CHIT1: variants seen among roughly 807,000 people sequenced by gnomAD.
CHIT1 encodes the protein chitotriosidase-1.
In CHIT1, 47 loss-of-function variants were observed where a neutral mutation model predicts 52.0. The ratio of observed to expected loss-of-function variants is 0.90; its 90% CI spans 0.71 to 1.15. The LOEUF (loss-of-function observed/expected upper bound fraction) is 1.15, where lower values mean the gene tolerates loss of function less well. Among genes scored for constraint, CHIT1 ranks in the 50% most tolerant of loss-of-function variants. CHIT1 has a pLI of 0.00. For missense variants in CHIT1, 569 were observed against 583.0 expected, an observed-to-expected ratio of 0.98 and a Z score of 0.25; for synonymous variants, 242 against 228.2, an observed-to-expected ratio of 1.06 and a Z score of -0.54.
intron 8 of CHIT1, 141 bp downstream of exon 8, chr1:203,219,523 G>A: frequency 1.8e-6 from 2 of 1,096,006 alleles, no homozygotes; most frequent in East Asian, 2.4e-5. Context: ...ATTCAAGATG[G>A]CATGGATGAG....
Position 203,229,670 on chromosome 1 carries a change from A to C in CHIT1, c.-34T>G. 1 of 1,613,458 alleles carries C rather than the reference A, an allele frequency of 6.2e-7. No individual in the cohort carries two copies. Among genetic ancestry groups the C allele is most frequent in the Admixed American group, 1.7e-5 (1 of 59,966 alleles). ...TCAGCGGCAGGCTGCAGCCCATACA[A>C]ACCAGCTTTCCAGGTCCTGCTCTGC... On this transcript the variant is annotated 5_prime_UTR_variant, in exon 1 of 11. Transcript: ENST00000367229.
intron 2 of CHIT1, among the ~76,000 whole-genome samples, chr1:203,226,347 G>A (rs1488196918): frequency 6.6e-6 from 1 of 152,196 alleles, no homozygotes; most frequent in Admixed American, 6.5e-5. Flanking sequence ...CTGACAGAAG[G>A]TAGCCCCAGG....
intron 7 of CHIT1, among the ~76,000 whole-genome samples, chr1:203,221,318 T>G (rs902603272): frequency 2.6e-5 from 4 of 152,160 alleles, no homozygotes; most frequent in African/African-American, 7.2e-5. Context: ...TCTCTATATT[T>G]TAAGATATAT....
At position 203,229,613 on chromosome 1, in the gene CHIT1, T is replaced by C. The variant is rs1258019179; in HGVS notation, c.24A>G (p.Ala8=). ...CCAGCCCACTATCCGACGGCTCACCTGCCCAGGCCACAGACCGCACCATGA... is the reference window on the plus strand; with the variant it reads ...CCAGCCCACTATCCGACGGCTCACCCGCCCAGGCCACAGACCGCACCATGA... MVRSVAW[A]GFMVLLMIPW... The change falls in exon 1 of 11, where the codon GCA becomes GCG. Residue 8 remains alanine (A), a splice_region_variant and synonymous_variant. Transcript: ENST00000367229. The C allele has an allele frequency of 1.2e-6, 2 of 1,613,994 alleles. No homozygotes were observed. The highest frequency in any genetic ancestry group is 2.2e-5 in the East Asian group (1 of 44,862).
At chr1:203,228,084 T>G (rs984696153) in intron 2 of CHIT1, among the ~76,000 whole-genome samples, 2 of 152,140 alleles carry the variant, frequency 1.3e-5, no homozygotes, top group Non-Finnish European at 2.9e-5. Context: ...CAGAAGCAAG[T>G]GTGTTGTCCT....
At position 203,219,759 on chromosome 1, in the gene CHIT1, C is replaced by T; in HGVS notation, c.820G>A (p.Ala274Thr). 3 of 1,613,828 alleles carry T rather than the reference C, an allele frequency of 1.9e-6. No homozygotes were observed. Among genetic ancestry groups the T allele is most frequent in the South Asian group, 1.1e-5 (1 of 91,064 alleles). The stretch of plus-strand genomic sequence containing the variant: ...CCCACTCTGGTGTCTGATGAGGAGG[C>T]CAGTGTGAAGGAGCGTCCGTAGGTA... ...MPTYGRSFTL[A>T]SSSDTRVGAP... Residue 274 changes from alanine (A) to threonine (T), a missense_variant, in exon 8 of 11, where the codon GCC (alanine) becomes ACC (threonine). Coordinates refer to ENST00000367229, the MANE Select transcript of CHIT1 (RefSeq NM_003465.3).
At chr1:203,221,735 G>C (rs961877373) in intron 7 of CHIT1, among the ~76,000 whole-genome samples, 1 of 152,210 alleles carries the variant, frequency 6.6e-6, no homozygotes, top group Non-Finnish European at 1.5e-5. Context: ...CCCTTTGCAG[G>C]TGCTGGGAGT....
intron 9 of CHIT1, 53 bp downstream of exon 9, chr1:203,219,163 T>G (rs1301346936): frequency 1.1e-5 from 10 of 914,400 alleles, no homozygotes; most frequent in Non-Finnish European, 1.9e-5. Context: ...TCCATGTCAT[T>G]GACAGGACTT....
intron 2 of CHIT1, among the ~76,000 whole-genome samples, 178 bp downstream of exon 2, chr1:203,228,355 G>T (rs1215037637): frequency 6.6e-6 from 1 of 152,224 alleles, no homozygotes; most frequent in African/African-American, 2.4e-5. Flanking sequence ...GGATAAGGAG[G>T]CAAGAGCCTT....
intron 1 of CHIT1, 106 bp downstream of exon 1, chr1:203,229,505 TC>T (rs1483385841): frequency 9.1e-6 from 12 of 1,319,070 alleles, no homozygotes; most frequent in Non-Finnish European, 1.3e-5. Flanking sequence ...TCTGAAGTTC[TC>T]CTGAGTCCTC....
intron 6 of CHIT1, 131 bp from the exon 7 acceptor site, chr1:203,222,456 T>C (rs2102237060): frequency 7.3e-7 from 1 of 1,364,100 alleles, no homozygotes; most frequent in African/African-American, 1.4e-5. Flanking sequence ...GGTGGCAGGC[T>C]CACCTGGCTC....
At position 203,223,125 on chromosome 1, in the gene CHIT1, T is replaced by C; in HGVS notation, c.605+10A>G. On this transcript the variant is annotated intron_variant, in intron 6 of 10. Coordinates refer to ENST00000367229, the MANE Select transcript of CHIT1 (RefSeq NM_003465.3). ...AGAGCACAGCTCCAAGCCATCTGCCTGAGACTCACTGGGCGATTTTGTCCA... is the reference window on the plus strand; with the variant it reads ...AGAGCACAGCTCCAAGCCATCTGCCCGAGACTCACTGGGCGATTTTGTCCA... The C allele has an allele frequency of 6.2e-7, 1 of 1,614,018 alleles. No individual in the cohort carries two copies. Among genetic ancestry groups the C allele is most frequent in the Middle Eastern group, 1.6e-4 (1 of 6,062 alleles).
intron 4 of CHIT1, 103 bp from the exon 5 acceptor site, chr1:203,223,763 G>T: frequency 8.1e-7 from 1 of 1,230,114 alleles, no homozygotes; most frequent in Non-Finnish European, 1.2e-6. Flanking sequence ...GCGTCTCTGT[G>T]TCTGGGCTAG....
At position 203,219,840 on chromosome 1, in the gene CHIT1, C is replaced by T. The variant is rs1656669997; in HGVS notation, c.739G>A (p.Val247Met). 1.9e-6 allele frequency: 3 copies of T among 1,612,112 alleles called. No individual in the cohort carries two copies. Among genetic ancestry groups the T allele is most frequent in the South Asian group, 1.1e-5 (1 of 90,996 alleles). ...AAASLNVDAAVQQWLQKGTPA... is the reference protein window; with the variant it reads ...AAASLNVDAAMQQWLQKGTPA... ...GTCCCCTTCTGCAGCCACTGTTGCA[C>T]AGCAGCATCCTGGTGGAAGAGGGCA... The change falls in exon 8 of 11, where the codon GTG becomes ATG. Residue 247 changes from valine (V) to methionine (M), a missense_variant. Transcript: ENST00000367229.
chr1:203,229,293 A>G (rs1301816304), intron 1 of CHIT1, among the ~76,000 whole-genome samples: 1 of 152,150 alleles, frequency 6.6e-6, no homozygotes, highest in Non-Finnish European at 1.5e-5. Flanking sequence ...CATGGGAAAG[A>G]CACAAAGACC....
chr1:203,218,236 A>AG, intron 9 of CHIT1: 10 of 623,374 alleles, frequency 1.6e-5, no homozygotes, highest in Admixed American at 6.3e-5. Flanking sequence ...GGTCAAGGTA[A>AG]GTCCAGTTAC....
chr1:203,228,027 C>T (rs986643682), intron 2 of CHIT1, among the ~76,000 whole-genome samples: 8 of 152,206 alleles, frequency 5.3e-5, no homozygotes, highest in Admixed American at 2.6e-4. Flanking sequence ...CAACAAGGAG[C>T]TCCCTCCTGC....
chr1:203,217,389 A>G, intron 10 of CHIT1: 1 of 1,492,922 alleles, frequency 6.7e-7, no homozygotes. Context: ...GCACAACCAT[A>G]TACTGCTGAG....
At chr1:203,219,091 GA>G (rs1324529405) in intron 9 of CHIT1, 124 bp downstream of exon 9, 1 of 747,634 alleles carries the variant, frequency 1.3e-6, no homozygotes, top group Admixed American at 1.8e-5. Context: ...ATCACGTGGA[GA>G]TTTATGAAAT....
Sources: allele counts gnomAD v4.1 joint callset (sites outside exome capture counted in the v4.1 genomes callset), GRCh38; gene constraint gnomAD v4.1.1; transcripts MANE v1.5; gene names NCBI Gene and HGNC (gene_info 2026-07-23, HGNC 2026-07-21).